The following DGKH variants were observed in gnomAD, a reference collection of about 807,000 sequenced individuals.
DGKH encodes the protein DAG kinase eta.
Under a neutral mutation model 159.3 loss-of-function variants are expected in DGKH, and 90 were observed. That is an observed-to-expected ratio of 0.57 (90% CI 0.48 to 0.67). The LOEUF (loss-of-function observed/expected upper bound fraction) is 0.67. Among genes scored for constraint, DGKH ranks in the 30% least tolerant of loss-of-function variants. DGKH has a pLI of 0.00. For missense variants in DGKH, 1,181 were observed against 1,506.1 expected (o/e 0.78, Z 3.57); for synonymous variants, 536 against 553.8 (o/e 0.97, Z 0.45).
intron 1 of DGKH, among the ~76,000 whole-genome samples, chr13:42,056,796 CCT>C (rs1881793084): frequency 6.6e-6 from 1 of 152,028 alleles, no homozygotes; most frequent in Non-Finnish European, 1.5e-5. Context: ...CTTCTCTTGG[CCT>C]CTCTCTCCTT....
rs540232338 is a variant in DGKH, at chr13:42,213,756, G to T, written c.3015-751G>T. Among the ~76,000 whole-genome samples the T allele has an allele frequency of 2.0e-5, 3 of 152,228 alleles. No individual in the cohort carries two copies. In the South Asian group the frequency reaches 6.2e-4, roughly 32 times the overall value. On this transcript the variant is annotated intron_variant, in intron 24 of 29. Transcript: ENST00000337343. ...GCTGTCAGAAGCAAAAAAAACACTT[G>T]AACAGCCCTGCCTTCTTGCTCATCT... is the stretch of plus-strand genomic sequence containing the variant.
At chr13:42,249,890 A>G (rs1958608687) in intron 29 of DGKH, among the ~76,000 whole-genome samples, 1 of 152,128 alleles carries the variant, frequency 6.6e-6, no homozygotes, top group Non-Finnish European at 1.5e-5. Flanking sequence ...ACTCTCCTTC[A>G]TTGATTCTTA....
chr13:42,250,704 A>G lies in DGKH; in HGVS notation n.4055-1705A>G, dbSNP rs1041429289. On this transcript the variant is annotated intron_variant and non_coding_transcript_variant, in intron 29 of 30. Coordinates refer to the DGKH transcript ENST00000498255. ...GCACTTCAGCAGAAAGTGACAACCA[A>G]TTAAAGGACAGAAGCCAGTGCCCAT... 1.3e-5 allele frequency among the ~76,000 whole-genome samples: 2 copies of G among 152,252 alleles called. 1 individual carries two copies. Among genetic ancestry groups the G allele is most frequent in the African/African-American group, 4.8e-5 (2 of 41,462 alleles).
At chr13:42,058,327 GTACATCA>G (rs1372221315) in intron 1 of DGKH, among the ~76,000 whole-genome samples, 2 of 152,182 alleles carry the variant, frequency 1.3e-5, no homozygotes, top group African/African-American at 2.4e-5. Flanking sequence ...AGGACCTACT[GTACATCA>G]TTTCACTTAA....
At chr13:42,146,790 A>G (rs1160305474) in intron 3 of DGKH, among the ~76,000 whole-genome samples, 1 of 152,228 alleles carries the variant, frequency 6.6e-6, no homozygotes, top group Non-Finnish European at 1.5e-5. Flanking sequence ...ACAAGAAGAT[A>G]AATAGTTGCC....
At chr13:42,141,450 G>T (rs2137887955) in intron 3 of DGKH, among the ~76,000 whole-genome samples, 1 of 152,254 alleles carries the variant, frequency 6.6e-6, no homozygotes, top group African/African-American at 2.4e-5. Flanking sequence ...GGCATTTCTA[G>T]TTCTAGATTC....
At chr13:42,057,778 CG>C (rs954743901) in intron 1 of DGKH, among the ~76,000 whole-genome samples, 3 of 152,026 alleles carry the variant, frequency 2.0e-5, no homozygotes, top group Non-Finnish European at 4.4e-5. Flanking sequence ...ATACTTGAAA[CG>C]CATAGTATAT....
chr13:42,252,862 C>T (rs1391138901), intron 30 of DGKH, among the ~76,000 whole-genome samples: 2 of 151,946 alleles, frequency 1.3e-5, no homozygotes, highest in Admixed American at 6.6e-5. Context: ...ATTCTTCTGC[C>T]TCAGCCTCCC....
At chr13:42,207,101 C>A (rs184898670) in intron 21 of DGKH, among the ~76,000 whole-genome samples, 30 of 129,198 alleles carry the variant, frequency 2.3e-4, no homozygotes, top group African/African-American at 8.9e-4. Flanking sequence ...TTCTTTCTTT[C>A]TTTCTTTCTT....
At chr13:42,115,331 T>A (rs1954944564) in intron 1 of DGKH, among the ~76,000 whole-genome samples, 1 of 152,226 alleles carries the variant, frequency 6.6e-6, no homozygotes, top group African/African-American at 2.4e-5. Flanking sequence ...TTTCTTCATA[T>A]CAAATACTTG....
Position 42,093,721 on chromosome 13 carries a change from C to G in DGKH, c.193-33742C>G, listed in dbSNP as rs1373038777. Among the ~76,000 whole-genome samples, 3 of 152,138 alleles carry G rather than the reference C, an allele frequency of 2.0e-5. No individual in the cohort carries two copies. The East Asian group carries it at 5.8e-4, about 29-fold the overall frequency. On this transcript the variant is annotated intron_variant, in intron 1 of 29. Transcript: ENST00000337343. ...TGACATGTTCTACAGCATGGATGAA[C>G]CTTGAAGGCATTATGCTAAGTGAAA...
In DGKH at chr13:42,231,463, G is replaced by A. The variant is rs74983335; in HGVS notation, c.*2275G>A. 1 of 152,108 alleles carries A rather than the reference G, an allele frequency of 6.6e-6. No individual in the cohort carries two copies. The highest frequency in any genetic ancestry group is 1.5e-5 in the Non-Finnish European group (1 of 68,056). 9.4% of individuals were successfully genotyped at this position (152,108 alleles called of 1,614,324 possible). A position where few individuals can be genotyped will look rare whatever the true frequency, so the allele number is the denominator to read the frequency against. ...GTCCCTCTGATAGTCCCACCTAAGT[G>A]CTGTCCTGCTCCTGTGAACACTTTC... On this transcript the variant is annotated 3_prime_UTR_variant, in exon 30 of 30. Coordinates refer to ENST00000337343, the MANE Select transcript of DGKH (RefSeq NM_178009.5).
At chr13:42,115,010 G>A (rs1016750755) in intron 1 of DGKH, among the ~76,000 whole-genome samples, 3 of 152,222 alleles carry the variant, frequency 2.0e-5, no homozygotes, top group Admixed American at 1.3e-4. Context: ...GAGGAATACA[G>A]GGCAGGTGAT....
At chr13:42,153,691 C>T (rs1955973020) in intron 3 of DGKH, 2 of 152,194 alleles carry the variant, frequency 1.3e-5, no homozygotes, top group Non-Finnish European at 2.9e-5. Context: ...AGCAATAAAG[C>T]ATCCATTTGG....
At chr13:42,136,015 T>A (rs904023625) in intron 3 of DGKH, among the ~76,000 whole-genome samples, 7 of 152,246 alleles carry the variant, frequency 4.6e-5, no homozygotes, top group African/African-American at 1.7e-4. Flanking sequence ...CTTGGCTACA[T>A]CCAGTTATGT....
intron 1 of DGKH, among the ~76,000 whole-genome samples, chr13:42,123,698 C>T (rs1037674435): frequency 6.6e-6 from 1 of 152,118 alleles, no homozygotes; most frequent in African/African-American, 2.4e-5. Flanking sequence ...GACATTTCAC[C>T]AGTGAAGATG....
chr13:42,117,748 A>G (rs2137817039), intron 1 of DGKH, among the ~76,000 whole-genome samples: 1 of 152,352 alleles, frequency 6.6e-6, no homozygotes, highest in South Asian at 2.1e-4. Flanking sequence ...TAGAAAAAAC[A>G]TAAATTATTT....
At chr13:42,191,975 T>C (rs975332523) in intron 16 of DGKH, among the ~76,000 whole-genome samples, 1 of 152,174 alleles carries the variant, frequency 6.6e-6, no homozygotes, top group African/African-American at 2.4e-5. Context: ...ATCTCTAATA[T>C]GAGGATAATA....
intron 13 of DGKH, among the ~76,000 whole-genome samples, chr13:42,183,212 A>G (rs1219885134): frequency 6.6e-5 from 10 of 152,036 alleles, no homozygotes; most frequent in Non-Finnish European, 1.2e-4. Flanking sequence ...TCCTTTGAGC[A>G]TGAGAGTTCG....
Sources: gnomAD v4.1 joint callset for allele counts (sites outside exome capture counted in the v4.1 genomes callset) on GRCh38, gnomAD v4.1.1 for gene constraint, MANE v1.5 for transcripts, NCBI Gene and HGNC (gene_info 2026-07-23, HGNC 2026-07-21) for gene names.